LDLRAP1: variants seen among roughly 807,000 people sequenced by gnomAD.
LDLRAP1 encodes low density lipoprotein receptor adaptor protein 1, also known as low density lipoprotein receptor adapter protein 1.
A neutral mutation model predicts 37.8 loss-of-function variants in LDLRAP1; 30 were observed. The observed-to-expected ratio is 0.79, with a 90% CI of 0.59 to 1.08. LDLRAP1 has a LOEUF of 1.08. Ranked by LOEUF, LDLRAP1 falls within the 50% of genes least tolerant of loss-of-function variation. LDLRAP1 has a pLI of 0.00. For synonymous variants in LDLRAP1, 156 were observed against 169.8 expected, an observed-to-expected ratio of 0.92 and a Z score of 0.63; for missense variants, 375 against 401.6, an observed-to-expected ratio of 0.93 and a Z score of 0.57.
chr1:25,560,015 T>C (rs2044305750), intron 4 of LDLRAP1, among the ~76,000 whole-genome samples: 2 of 144,692 alleles, frequency 1.4e-5, no homozygotes, highest in South Asian at 4.2e-4. Flanking sequence ...ACAGACACCT[T>C]GAATGGGGCT....
At chr1:25,557,890 CT>C (rs35027742) in intron 4 of LDLRAP1, among the ~76,000 whole-genome samples, 89,641 of 151,140 alleles carry the variant, frequency 0.59, 27,195 homozygotes, top group African/African-American at 0.72. Context: ...TTTTTTTCTT[CT>C]TTTTTTTAAA....
Position 25,568,548 on chromosome 1 carries a change from A to C in LDLRAP1, c.*1556A>C, listed in dbSNP as rs1057515496. 1 of 152,258 alleles carries C rather than the reference A, an allele frequency of 6.6e-6. No individual in the cohort carries two copies. Among genetic ancestry groups the C allele is most frequent in the Non-Finnish European group, 1.5e-5 (1 of 68,056 alleles). 9.4% of individuals were successfully genotyped at this position (152,258 alleles called of 1,614,324 possible). A position where few individuals can be genotyped will look rare whatever the true frequency, so the allele number is the denominator to read the frequency against. ...TACCTGGAGTAACCGGACACCTTAG[A>C]CGGAGGTGCCTGAGGGTGGGGTGGG... is the stretch of plus-strand genomic sequence containing the variant. On this transcript the variant is annotated 3_prime_UTR_variant, in exon 9 of 9. Coordinates refer to ENST00000374338, the MANE Select transcript of LDLRAP1 (RefSeq NM_015627.3).
the LDLRAP1 span, among the ~76,000 whole-genome samples, chr1:25,583,804 G>A: frequency 1.4e-4 from 21 of 151,564 alleles, no homozygotes; most frequent in East Asian, 1.6e-3. Context: ...CCCAACCCCC[G>A]AGCCTTAGGC....
intron 1 of LDLRAP1, among the ~76,000 whole-genome samples, chr1:25,551,753 C>A (rs1029985104): frequency 6.6e-6 from 1 of 152,006 alleles, no homozygotes; most frequent in African/African-American, 2.4e-5. Flanking sequence ...TCAGTGGAGA[C>A]CTGGCCTCAT....
At chr1:25,576,784 T>G in the LDLRAP1 span, among the ~76,000 whole-genome samples, 1 of 152,362 alleles carries the variant, frequency 6.6e-6, no homozygotes, top group African/African-American at 2.4e-5. Flanking sequence ...GGCCTGCCCT[T>G]CAGTGGAAAC....
At chr1:25,562,900 C>G in intron 5 of LDLRAP1, 170 bp from the exon 6 acceptor site, 1 of 822,080 alleles carries the variant, frequency 1.2e-6, no homozygotes, top group East Asian at 2.6e-5. Flanking sequence ...GTCTCCCTCC[C>G]CAAAGGTGCT....
chr1:25,556,424 T>C (rs1316477373), intron 3 of LDLRAP1, among the ~76,000 whole-genome samples: 1 of 152,118 alleles, frequency 6.6e-6, no homozygotes, highest in Non-Finnish European at 1.5e-5. Context: ...CCACTGGGGC[T>C]CCTTGTTGGG....
chr1:25,584,476 G>A, the LDLRAP1 span, among the ~76,000 whole-genome samples: 191 of 152,240 alleles, frequency 1.3e-3, no homozygotes, highest in African/African-American at 4.4e-3. Flanking sequence ...ACAGGCCCAG[G>A]GACAGAGCAA....
chr1:25,589,406 T>A, the LDLRAP1 span, among the ~76,000 whole-genome samples: 1 of 152,244 alleles, frequency 6.6e-6, no homozygotes, highest in South Asian at 2.1e-4. Flanking sequence ...ATGCATCAAC[T>A]TGACTGGGGT....
chr1:25,588,740 T>C, the LDLRAP1 span, among the ~76,000 whole-genome samples: 3 of 152,170 alleles, frequency 2.0e-5, no homozygotes, highest in Non-Finnish European at 4.4e-5. Context: ...TTTGTCTCTG[T>C]GTCTCTTTCT....
In LDLRAP1 at chr1:25,543,687, C is replaced by T; in HGVS notation, c.-12C>T. 8.2e-7 allele frequency: 1 copy of T among 1,214,356 alleles called. No individual in the cohort carries two copies. The highest frequency in any genetic ancestry group is 3.3e-5 in the East Asian group (1 of 30,024). 75.2% of individuals were successfully genotyped at this position (1,214,356 alleles called of 1,614,324 possible). A position where few individuals can be genotyped will look rare whatever the true frequency, so the allele number is the denominator to read the frequency against. ...TTGGCTGCGGCAGCGGCGGCGGCGG[C>T]CGGAGCGGGCCATGGACGCGCTCAA... On this transcript the variant is annotated 5_prime_UTR_variant, in exon 1 of 9. Transcript: ENST00000374338.
chr1:25,549,922 CAG>C (rs2044033273), intron 1 of LDLRAP1: 1 of 152,440 alleles, frequency 6.6e-6, no homozygotes, highest in South Asian at 2.1e-4. Context: ...AGGAGCATCT[CAG>C]TGGGGCCTGG....
chr1:25,575,423 T>TG, the LDLRAP1 span, among the ~76,000 whole-genome samples: 14 of 108,752 alleles, frequency 1.3e-4, no homozygotes, highest in African/African-American at 4.8e-4. Context: ...CTGTCTCTAC[T>TG]AAAAAAAAAA....
chr1:25,558,102 T>TG (rs755134688), intron 4 of LDLRAP1, among the ~76,000 whole-genome samples: 48 of 152,118 alleles, frequency 3.2e-4, no homozygotes, highest in Non-Finnish European at 5.7e-4. Flanking sequence ...GTCCTGAATT[T>TG]GGGGGCAAGA....
At chr1:25,575,596 C>CAAAA in the LDLRAP1 span, among the ~76,000 whole-genome samples, 1 of 151,910 alleles carries the variant, frequency 6.6e-6, no homozygotes, top group Non-Finnish European at 1.5e-5. Context: ...CCCTGTCTTA[C>CAAAA]AAAAACAAAC....
At chr1:25,586,222 A>G in the LDLRAP1 span, among the ~76,000 whole-genome samples, 1 of 152,314 alleles carries the variant, frequency 6.6e-6, no homozygotes, top group Admixed American at 6.5e-5. This position sits in a 1 kb window ranked among gnomAD's most constrained non-coding sequence, Gnocchi z 4.3. Flanking sequence ...GGAGAATGGG[A>G]ATGGCCAATC....
chr1:25,554,994 C>T lies in LDLRAP1; in HGVS notation c.344+22C>T. ...ACAGGTACGCTCAGCATGGGGTTGG[C>T]CCATCCACTCTGCCACTTGGGGCAG... On this transcript the variant is annotated intron_variant, in intron 3 of 8. Transcript: ENST00000374338. The surrounding 1 kb of genome is among the most constrained non-coding windows in gnomAD (Gnocchi z 5.4). The T allele has an allele frequency of 6.4e-7, 1 of 1,566,342 alleles. No individual in the cohort carries two copies. The highest frequency in any genetic ancestry group is 8.8e-7 in the Non-Finnish European group (1 of 1,137,162).
At chr1:25,588,607 C>T in the LDLRAP1 span, among the ~76,000 whole-genome samples, 1 of 152,220 alleles carries the variant, frequency 6.6e-6, no homozygotes, top group African/African-American at 2.4e-5. Flanking sequence ...GATCCTGCCA[C>T]ATCCCCTTCT....
the LDLRAP1 span, among the ~76,000 whole-genome samples, chr1:25,577,333 G>A: frequency 6.6e-6 from 1 of 152,126 alleles, no homozygotes; most frequent in Non-Finnish European, 1.5e-5. Context: ...ATGCGAGCCT[G>A]GATGGCTAGG....
Sources: allele counts gnomAD v4.1 joint callset (sites outside exome capture counted in the v4.1 genomes callset), GRCh38; gene constraint gnomAD v4.1.1; non-coding constraint Gnocchi (gnomAD v3.1); transcripts MANE v1.5; gene names NCBI Gene and HGNC (gene_info 2026-07-23, HGNC 2026-07-21).